The following ARHGEF26 variants were observed in gnomAD, a reference collection of about 807,000 sequenced individuals.
ARHGEF26 encodes the protein Rho guanine nucleotide exchange factor 26.
ARHGEF26 carries 59 observed loss-of-function variants against 89.4 expected under a neutral mutation model. That is an observed-to-expected ratio of 0.66 (90% CI 0.54 to 0.82). The LOEUF (loss-of-function observed/expected upper bound fraction) is 0.82. Ranked by LOEUF, ARHGEF26 falls within the 40% of genes least tolerant of loss-of-function variation. The probability of loss-of-function intolerance (pLI) is 0.00; values close to 1 mark genes in which losing one functional copy is unlikely to be tolerated. For synonymous variants in ARHGEF26, 500 were observed against 428.4 expected (o/e 1.17, Z -2.06); for missense variants, 1,234 against 1,085.6 (o/e 1.14, Z -1.92).
At chr3:154,149,277 A>G in intron 4 of ARHGEF26, 112 bp from the exon 5 acceptor site, 1 of 651,296 alleles carries the variant, frequency 1.5e-6, no homozygotes, top group Admixed American at 2.9e-5. Context: ...AACATTTTGT[A>G]TAGTTTCTCC....
At chr3:154,216,492 A>ATTTTTTTTTTTTT in intron 9 of ARHGEF26, among the ~76,000 whole-genome samples, 1 of 129,008 alleles carries the variant, frequency 7.8e-6, no homozygotes, top group Non-Finnish European at 1.7e-5. Flanking sequence ...TTTTTTTTTT[A>ATTTTTTTTTTTTT]TTTTTTTTTA....
chr3:154,134,946 A>G (rs536799147), intron 4 of ARHGEF26, among the ~76,000 whole-genome samples: 2 of 152,232 alleles, frequency 1.3e-5, no homozygotes, highest in South Asian at 4.1e-4. Context: ...ATCATGGTGG[A>G]TAAGCTTTTT....
At chr3:154,152,649 C>T in intron 5 of ARHGEF26, 123 bp from the exon 6 acceptor site, 1 of 631,262 alleles carries the variant, frequency 1.6e-6, no homozygotes, top group Non-Finnish European at 2.4e-6. Context: ...TCTTTTTGTA[C>T]TTTCCAAGAT....
chr3:154,174,040 A>T (rs1712641441), intron 6 of ARHGEF26, among the ~76,000 whole-genome samples: 1 of 152,194 alleles, frequency 6.6e-6, no homozygotes, highest in Non-Finnish European at 1.5e-5. Context: ...TATGTTATTT[A>T]ATCCAGAATT....
intron 6 of ARHGEF26, among the ~76,000 whole-genome samples, chr3:154,167,829 A>G (rs541672707): frequency 1.3e-5 from 2 of 152,130 alleles, no homozygotes; most frequent in South Asian, 4.1e-4. Context: ...TCTGATCTAT[A>G]CTTCAGGTTC....
chr3:154,222,708 C>T (rs901156471), intron 10 of ARHGEF26, among the ~76,000 whole-genome samples: 1 of 152,126 alleles, frequency 6.6e-6, no homozygotes, highest in African/African-American at 2.4e-5. Flanking sequence ...TTAGACTTTT[C>T]ATTCCAGAAG....
At chr3:154,138,157 A>G (rs986600955) in intron 4 of ARHGEF26, among the ~76,000 whole-genome samples, 2 of 152,170 alleles carry the variant, frequency 1.3e-5, no homozygotes, top group Admixed American at 6.5e-5. Context: ...TTACTGGGGG[A>G]GTGTCATACA....
chr3:154,146,082 G>T (rs114113600), intron 4 of ARHGEF26, among the ~76,000 whole-genome samples: 2 of 152,110 alleles, frequency 1.3e-5, no homozygotes, highest in African/African-American at 4.8e-5. Flanking sequence ...ACCATAAATT[G>T]GATAGCTTAT....
At chr3:154,238,940 T>TA (rs1369356191) in intron 11 of ARHGEF26, among the ~76,000 whole-genome samples, 1 of 152,084 alleles carries the variant, frequency 6.6e-6, no homozygotes, top group Admixed American at 6.6e-5. Context: ...CGGAAGGTTG[T>TA]AGAGTCAATG....
intron 5 of ARHGEF26, among the ~76,000 whole-genome samples, chr3:154,149,860 C>G (rs1407715150): frequency 6.6e-6 from 1 of 151,218 alleles, no homozygotes; most frequent in Non-Finnish European, 1.5e-5. Context: ...ATACAAGGGT[C>G]TCTGAACCCT....
intron 6 of ARHGEF26, among the ~76,000 whole-genome samples, chr3:154,166,301 T>C (rs373577166): frequency 9.9e-5 from 15 of 152,256 alleles, no homozygotes; most frequent in Admixed American, 3.3e-4. Context: ...CCGCCCGCCT[T>C]GGCCTCCCAA....
At chr3:154,222,891 G>A (rs1247338284) in intron 10 of ARHGEF26, among the ~76,000 whole-genome samples, 4 of 152,142 alleles carry the variant, frequency 2.6e-5, no homozygotes, top group African/African-American at 7.2e-5. Context: ...TGAAAACAGG[G>A]TGTTGAAGAC....
intron 11 of ARHGEF26, among the ~76,000 whole-genome samples, chr3:154,227,373 G>A (rs1716558354): frequency 6.8e-6 from 1 of 146,964 alleles, no homozygotes; most frequent in South Asian, 2.1e-4. Flanking sequence ...TCGGCTCACT[G>A]CAGGCTCCGC....
chr3:154,170,662 T>A (rs944064678), intron 6 of ARHGEF26, among the ~76,000 whole-genome samples: 2 of 152,198 alleles, frequency 1.3e-5, no homozygotes, highest in Non-Finnish European at 2.9e-5. Flanking sequence ...ACTAACTACT[T>A]CTTTGGGTTA....
At chr3:154,168,259 T>C (rs1406438269) in intron 6 of ARHGEF26, among the ~76,000 whole-genome samples, 1 of 152,086 alleles carries the variant, frequency 6.6e-6, no homozygotes, top group Non-Finnish European at 1.5e-5. Flanking sequence ...GTGTTTTTAG[T>C]ATGTTATATA....
At chr3:154,208,352 G>T (rs1715158874) in intron 9 of ARHGEF26, among the ~76,000 whole-genome samples, 1 of 152,088 alleles carries the variant, frequency 6.6e-6, no homozygotes, top group Non-Finnish European at 1.5e-5. Context: ...TCAGCCTCTT[G>T]CTGCTTTCAG....
chr3:154,135,044 TTTG>T (rs776722254), intron 4 of ARHGEF26, among the ~76,000 whole-genome samples: 13 of 152,246 alleles, frequency 8.5e-5, no homozygotes, highest in African/African-American at 2.4e-4. Flanking sequence ...GTTTTTTTCT[TTTG>T]TTGTTGTATC....
intron 11 of ARHGEF26, among the ~76,000 whole-genome samples, chr3:154,237,044 T>C (rs1717164790): frequency 2.0e-5 from 3 of 152,196 alleles, no homozygotes; most frequent in Admixed American, 2.0e-4. Flanking sequence ...TGAAATCATA[T>C]AGCTGTGATT....
chr3:154,180,928 G>A (rs879339402), intron 6 of ARHGEF26, among the ~76,000 whole-genome samples: 7 of 152,072 alleles, frequency 4.6e-5, no homozygotes, highest in Non-Finnish European at 1.0e-4. Context: ...AGGATTCATC[G>A]ATGAGCTTCA....
Sources: gnomAD v4.1 joint callset for allele counts (sites outside exome capture counted in the v4.1 genomes callset) on GRCh38, gnomAD v4.1.1 for gene constraint, MANE v1.5 for transcripts, NCBI Gene and HGNC (gene_info 2026-07-23, HGNC 2026-07-21) for gene names.